Variants in COL10A1 observed in about 807,000 individuals in gnomAD.
COL10A1 encodes the protein collagen type X alpha 1 chain.
Under a neutral mutation model 18.2 loss-of-function variants are expected in COL10A1, and 10 were observed. The ratio of observed to expected loss-of-function variants is 0.55; its 90% confidence interval spans 0.34 to 0.93. The LOEUF (loss-of-function observed/expected upper bound fraction) is 0.93, where lower values mean the gene tolerates loss of function less well. Among genes scored for constraint, COL10A1 ranks in the 40% least tolerant of loss-of-function variants. The pLI is 0.02. For synonymous variants in COL10A1, 330 were observed against 316.6 expected, an observed-to-expected ratio of 1.04 and a Z score of -0.45; for missense variants, 897 against 853.5, an observed-to-expected ratio of 1.05 and a Z score of -0.64.
Position 116,120,016 on chromosome 6 carries a change from G to A in COL10A1, c.*57C>T. 7 of 1,399,084 alleles carry A rather than the reference G, an allele frequency of 5.0e-6. No homozygotes were observed. The highest frequency in any genetic ancestry group is 1.2e-5 in the South Asian group (1 of 86,290). The allele number at this position is 1,399,084 out of a possible 1,614,324, so 86.7% of individuals were successfully genotyped here. On this transcript the variant is annotated 3_prime_UTR_variant, in exon 3 of 3. Coordinates refer to ENST00000651968, the MANE Select transcript of COL10A1 (RefSeq NM_000493.4). ...ACCTCCATATGCATTTTGTAGGGTGGGGTAGAGTTAGAGAATGCTTTTTCT... is the reference window on the plus strand; with the variant it reads ...ACCTCCATATGCATTTTGTAGGGTGAGGTAGAGTTAGAGAATGCTTTTTCT...
chr6:116,120,932 C>T lies in COL10A1; in HGVS notation c.1184G>A (p.Gly395Asp), dbSNP rs775057016. 2 of 1,613,848 alleles carry T rather than the reference C, an allele frequency of 1.2e-6. No individual in the cohort carries two copies. Among genetic ancestry groups the T allele is most frequent in the African/African-American group, 1.3e-5 (1 of 74,888 alleles). The change falls in exon 3 of 3, where the codon GGT becomes GAT. Residue 395 changes from glycine (G) to aspartate (D), a missense_variant. Gly to Asp is a moderately conservative substitution (Grantham distance 94). Transcript: ENST00000651968. ...TGGGTTACCCTTAGGACCATCGAGA[C>T]CTGGTTTTCCTGGGTACCCTGGTTT... ...DGKPGYPGKP[G>D]LDGPKGNPGL...
intron 1 of COL10A1, among the ~76,000 whole-genome samples, chr6:116,139,662 G>A (rs1447249405): frequency 6.6e-6 from 1 of 152,014 alleles, no homozygotes; most frequent in Non-Finnish European, 1.5e-5. Flanking sequence ...CTAGTTTTTT[G>A]ATTTGCAAAT....
rs1260164663 is a variant in COL10A1, at chr6:116,120,422, A to G, written c.1694T>C (p.Ile565Thr). 1.9e-6 allele frequency: 3 copies of G among 1,614,252 alleles called. No homozygotes were observed. The highest frequency in any genetic ancestry group is 1.1e-5 in the South Asian group (1 of 91,086). ...TVILSKAYPA[I>T]GTPIPFDKIL... The stretch of plus-strand genomic sequence containing the variant: ...TTTATCAAATGGTATGGGAGTTCCT[A>G]TTGCTGGGTAAGCTTTGGAGAGAAT... Residue 565 changes from isoleucine to threonine, a missense_variant, in exon 3 of 3, where the codon ATA becomes ACA. Coordinates refer to ENST00000651968, the MANE Select transcript of COL10A1 (RefSeq NM_000493.4).
chr6:116,165,115 A>AAAAG, the COL10A1 span, among the ~76,000 whole-genome samples: 1 of 151,560 alleles, frequency 6.6e-6, no homozygotes, highest in South Asian at 2.1e-4. Context: ...AAAAAAAAAA[A>AAAAG]AAATTATTGG....
chr6:116,147,585 G>T (rs1012577586), intron 1 of COL10A1, among the ~76,000 whole-genome samples: 3 of 152,106 alleles, frequency 2.0e-5, no homozygotes, highest in African/African-American at 7.2e-5. Context: ...TAACCCAGTT[G>T]AATAATGGAT....
At chr6:116,148,805 G>T (rs1034933014) in intron 1 of COL10A1, among the ~76,000 whole-genome samples, 1 of 151,966 alleles carries the variant, frequency 6.6e-6, no homozygotes, top group African/African-American at 2.4e-5. Context: ...ATTTTGAGTG[G>T]GTTACAGGTA....
chr6:116,149,773 A>G (rs1779989949), intron 1 of COL10A1, among the ~76,000 whole-genome samples: 1 of 152,246 alleles, frequency 6.6e-6, no homozygotes, highest in Non-Finnish European at 1.5e-5. Flanking sequence ...TGAAAGAGTT[A>G]TGAAATCAGA....
chr6:116,125,652 G>T (rs1779279929), intron 1 of COL10A1, 145 bp from the exon 2 acceptor site: 1 of 660,296 alleles, frequency 1.5e-6, no homozygotes, highest in East Asian at 3.0e-5. Context: ...AAATAAATGA[G>T]AGATCATTTT....
the COL10A1 span, among the ~76,000 whole-genome samples, chr6:116,187,786 A>G: frequency 6.6e-6 from 1 of 152,122 alleles, no homozygotes; most frequent in Non-Finnish European, 1.5e-5. Flanking sequence ...AAATAGCTTC[A>G]TAGCTTAAAG....
At chr6:116,163,727 A>G (rs1582845904), upstream of COL10A1, among the ~76,000 whole-genome samples, 1 of 152,176 alleles carries the variant, frequency 6.6e-6, no homozygotes, top group African/African-American at 2.4e-5. Flanking sequence ...TTTGAGATCT[A>G]TCTTTTTGAT....
intron 1 of COL10A1, among the ~76,000 whole-genome samples, chr6:116,134,937 A>G (rs9481606): frequency 0.25 from 38,648 of 152,060 alleles, 5,290 homozygotes; most frequent in Middle Eastern, 0.35. Flanking sequence ...GGGAGTTTAG[A>G]GAGATTTCTT....
chr6:116,149,744 C>T (rs1040189248), intron 1 of COL10A1, among the ~76,000 whole-genome samples: 2 of 152,164 alleles, frequency 1.3e-5, no homozygotes, highest in African/African-American at 4.8e-5. Flanking sequence ...AATCTGGGAT[C>T]TCCACATAAA....
At chr6:116,188,498 TAAAAA>T in the COL10A1 span, among the ~76,000 whole-genome samples, 3 of 151,962 alleles carry the variant, frequency 2.0e-5, no homozygotes, top group Non-Finnish European at 4.4e-5. Flanking sequence ...GAATGAATCT[TAAAAA>T]CAGAAAATGA....
At chr6:116,176,006 C>T in the COL10A1 span, among the ~76,000 whole-genome samples, 25 of 152,140 alleles carry the variant, frequency 1.6e-4, no homozygotes, top group African/African-American at 6.0e-4. Context: ...TGATTGAATG[C>T]TGGACATTGT....
intron 1 of COL10A1, among the ~76,000 whole-genome samples, chr6:116,135,318 C>T (rs1014700042): frequency 2.2e-4 from 33 of 151,954 alleles, no homozygotes; most frequent in African/African-American, 7.5e-4. Context: ...GCATCAATAT[C>T]ATTAAAATAC....
At chr6:116,145,187 A>G (rs1219953023) in intron 1 of COL10A1, among the ~76,000 whole-genome samples, 1 of 152,190 alleles carries the variant, frequency 6.6e-6, no homozygotes, top group East Asian at 1.9e-4. Flanking sequence ...GAAGTTGGAC[A>G]GTTGTCCTCA....
upstream of COL10A1, among the ~76,000 whole-genome samples, chr6:116,161,957 T>TTATGTTTTTG (rs1329728281): frequency 6.6e-6 from 1 of 152,118 alleles, no homozygotes; most frequent in Non-Finnish European, 1.5e-5. Context: ...CCTAGATAGT[T>TTATGTTTTTG]TATGTTTTTG....
chr6:116,159,401 A>T (rs973939757), upstream of COL10A1, among the ~76,000 whole-genome samples: 1 of 152,164 alleles, frequency 6.6e-6, no homozygotes, highest in Non-Finnish European at 1.5e-5. Flanking sequence ...TACACATGTG[A>T]TTATTCATTT....
the COL10A1 span, among the ~76,000 whole-genome samples, chr6:116,215,237 C>T: frequency 6.6e-6 from 1 of 152,170 alleles, no homozygotes; most frequent in Admixed American, 6.5e-5. Flanking sequence ...ACCCAGCTTT[C>T]TGGAGCAGAA....
Sources: gnomAD v4.1 joint callset for allele counts (sites outside exome capture counted in the v4.1 genomes callset) on GRCh38, gnomAD v4.1.1 for gene constraint, MANE v1.5 for transcripts, NCBI Gene and HGNC (gene_info 2026-07-23, HGNC 2026-07-21) for gene names.